Variants in MATR3 observed in about 807,000 individuals in gnomAD.
The protein encoded by MATR3 is matrin 3.
Under a neutral mutation model 85.5 loss-of-function variants are expected in MATR3, and 4 were observed. The observed-to-expected ratio is 0.05, with a 90% CI of 0.02 to 0.11. The LOEUF (loss-of-function observed/expected upper bound fraction) is 0.11, where lower values mean the gene tolerates loss of function less well. Ranked by LOEUF, MATR3 falls within the 10% of genes least tolerant of loss-of-function variation. MATR3 has a pLI of 1.00. For synonymous variants in MATR3, 336 were observed against 343.1 expected (o/e 0.98, Z 0.23); for missense variants, 685 against 1,016.1 (o/e 0.67, Z 4.43).
intron 9 of MATR3, among the ~76,000 whole-genome samples, chr5:139,321,563 G>C (rs939209169): frequency 1.1e-4 from 16 of 152,138 alleles, no homozygotes; most frequent in Non-Finnish European, 1.5e-4. Context: ...CAGGAGGATT[G>C]CCTGAGTCCA....
At chr5:139,285,631 C>G (rs527472244) in intron 3 of MATR3, among the ~76,000 whole-genome samples, 60 of 152,188 alleles carry the variant, frequency 3.9e-4, no homozygotes, top group Non-Finnish European at 7.8e-4. Flanking sequence ...CAAGATTGCA[C>G]CATTGCACTC....
intron 9 of MATR3, among the ~76,000 whole-genome samples, 153 bp downstream of exon 9, chr5:139,319,654 C>T (rs1755437758): frequency 6.6e-6 from 1 of 151,862 alleles, no homozygotes; most frequent in Non-Finnish European, 1.5e-5. Flanking sequence ...TCGAGACCAG[C>T]CTGGCCAGCA....
chr5:139,283,195 C>G (rs1753592852), intron 3 of MATR3: 1 of 152,240 alleles, frequency 6.6e-6, no homozygotes, highest in Admixed American at 6.5e-5. Flanking sequence ...AAGCCCAGAA[C>G]TAAGGGTTCT....
intron 2 of MATR3, chr5:139,276,238 G>A (rs1753271465): frequency 2.2e-6 from 1 of 456,238 alleles, no homozygotes; most frequent in East Asian, 6.9e-5. Context: ...ACACTGCTGG[G>A]AGAACAGCAG....
intron 2 of MATR3, chr5:139,310,562 A>G (rs1163624392): frequency 6.6e-6 from 1 of 152,170 alleles, no homozygotes; most frequent in Non-Finnish European, 1.5e-5. Context: ...AAATTTTTAA[A>G]CATTTAATCC....
chr5:139,317,023 C>T (rs1183213023), intron 5 of MATR3, 30 bp from the exon 6 acceptor site: 1 of 1,602,756 alleles, frequency 6.2e-7, no homozygotes, highest in Non-Finnish European at 8.5e-7. Flanking sequence ...ATAGTGATTA[C>T]AAGACTGAAA....
Position 139,315,686 on chromosome 5 carries a change from T to A in MATR3, c.975-11T>A. ...TTTTATTTTAAAGTTAATTTTCTGG[T>A]CTTTTTAAAGCTACCCAGAATGGAA... On this transcript the variant is annotated splice_polypyrimidine_tract_variant and intron_variant, in intron 3 of 14. Coordinates refer to ENST00000394805, the MANE Select transcript of MATR3 (RefSeq NM_018834.6). The A allele has an allele frequency of 6.2e-7, 1 of 1,601,518 alleles. No homozygotes were observed. The highest frequency in any genetic ancestry group is 8.6e-7 in the Non-Finnish European group (1 of 1,168,780).
At chr5:139,278,227 CA>C (rs1353225493) in intron 2 of MATR3, 3 of 378,612 alleles carry the variant, frequency 7.9e-6, no homozygotes, top group South Asian at 4.0e-5. Context: ...GACCCTATCT[CA>C]AAAAATATAT....
chr5:139,321,209 G>A (rs1475951158), intron 9 of MATR3, among the ~76,000 whole-genome samples: 1 of 152,026 alleles, frequency 6.6e-6, no homozygotes, highest in African/African-American at 2.4e-5. Context: ...GAGTGCAGTG[G>A]TGCCATCTTG....
chr5:139,294,071 A>T, intron 1 of MATR3: 1 of 1,260,324 alleles, frequency 7.9e-7, no homozygotes, highest in Non-Finnish European at 1.0e-6. Context: ...CCAAGGGCCC[A>T]GGGTGCGGCG....
At chr5:139,308,646 T>C (rs1351149880) in intron 2 of MATR3, among the ~76,000 whole-genome samples, 1 of 152,218 alleles carries the variant, frequency 6.6e-6, no homozygotes, top group African/African-American at 2.4e-5. Flanking sequence ...TTGAATTGTT[T>C]TAAGTATTTT....
At chr5:139,319,937 GCTTTT>G (rs1215426799) in intron 9 of MATR3, among the ~76,000 whole-genome samples, 251 of 81,322 alleles carry the variant, frequency 3.1e-3, no homozygotes, top group African/African-American at 0.011. Context: ...CTAGTTGTTT[GCTTTT>G]CTTTTCTTTT....
chr5:139,324,588 C>G (rs1005564810), intron 12 of MATR3, among the ~76,000 whole-genome samples: 3 of 152,142 alleles, frequency 2.0e-5, no homozygotes, highest in Admixed American at 6.5e-5. Context: ...GCCACCATGC[C>G]TGGCCCAGAG....
At chr5:139,302,409 C>T (rs1175143752) in intron 1 of MATR3, among the ~76,000 whole-genome samples, 1 of 152,108 alleles carries the variant, frequency 6.6e-6, no homozygotes, top group Non-Finnish European at 1.5e-5. Context: ...TTCAAAAAAA[C>T]CCTTAAATGA....
intron 12 of MATR3, among the ~76,000 whole-genome samples, chr5:139,324,159 G>A (rs1755719772): frequency 6.6e-6 from 1 of 152,060 alleles, no homozygotes; most frequent in Non-Finnish European, 1.5e-5. Context: ...GTAACCATAT[G>A]CATCTCATAC....
chr5:139,309,106 A>G (rs1392909956), intron 2 of MATR3, among the ~76,000 whole-genome samples: 1 of 152,160 alleles, frequency 6.6e-6, no homozygotes, highest in African/African-American at 2.4e-5. Context: ...AGAAAATCTA[A>G]TTCTCCTTTG....
intron 3 of MATR3, among the ~76,000 whole-genome samples, chr5:139,287,321 G>C (rs1030143291): frequency 5.9e-5 from 9 of 152,130 alleles, no homozygotes; most frequent in African/African-American, 2.2e-4. Context: ...TTCTGGCATT[G>C]AAAGTTTCAT....
intron 1 of MATR3, among the ~76,000 whole-genome samples, chr5:139,304,901 C>A (rs1044309956): frequency 6.6e-6 from 1 of 152,128 alleles, no homozygotes; most frequent in African/African-American, 2.4e-5. Flanking sequence ...GCTTGTACAT[C>A]TTATGTTCAG....
chr5:139,319,546 C>A (rs1351946947), intron 9 of MATR3, 45 bp downstream of exon 9: 2 of 1,555,332 alleles, frequency 1.3e-6, no homozygotes, highest in East Asian at 2.3e-5. Flanking sequence ...TTATTAAAAT[C>A]CTTAAGATTT....
Sources: gnomAD v4.1 joint callset for allele counts (sites outside exome capture counted in the v4.1 genomes callset) on GRCh38, gnomAD v4.1.1 for gene constraint, MANE v1.5 for transcripts, NCBI Gene and HGNC (gene_info 2026-07-23, HGNC 2026-07-21) for gene names.